The following RIPOR3 variants were observed in gnomAD, a reference collection of about 807,000 sequenced individuals.
RIPOR3 encodes the protein family with sequence similarity 65 member C.
RIPOR3 carries 95 observed loss-of-function variants against 114.3 expected under a neutral mutation model. The ratio of observed to expected loss-of-function variants is 0.83; its 90% CI spans 0.70 to 0.99. The LOEUF is 0.99. Among genes scored for constraint, RIPOR3 ranks in the 50% least tolerant of loss-of-function variants. The pLI is 0.00. For missense variants in RIPOR3, 1,252 were observed against 1,266.9 expected, an observed-to-expected ratio of 0.99 and a Z score of 0.18; for synonymous variants, 575 against 543.8, an observed-to-expected ratio of 1.06 and a Z score of -0.80.
intron 16 of RIPOR3, chr20:50,595,093 G>T: frequency 1.9e-6 from 1 of 517,796 alleles, no homozygotes; most frequent in Non-Finnish European, 3.5e-6. Context: ...CCCGTGCAGT[G>T]CCCTCCTCCT....
chr20:50,597,829 C>T, intron 13 of RIPOR3, 119 bp from the exon 14 acceptor site: 1 of 1,422,310 alleles, frequency 7.0e-7, no homozygotes, highest in Non-Finnish European at 9.4e-7. Context: ...CCCAATCCCA[C>T]ACACCGTCCC....
chr20:50,625,928 G>A (rs986838954), intron 2 of RIPOR3, among the ~76,000 whole-genome samples: 4 of 152,212 alleles, frequency 2.6e-5, no homozygotes, highest in Admixed American at 6.5e-5. Context: ...TGAGCCATCT[G>A]ACTGTGGAGT....
chr20:50,629,114 A>T (rs747299889), intron 2 of RIPOR3, among the ~76,000 whole-genome samples: 1 of 152,078 alleles, frequency 6.6e-6, no homozygotes, highest in Non-Finnish European at 1.5e-5. Flanking sequence ...TGAGGCCCTG[A>T]GGCCGGGAGG....
intron 2 of RIPOR3, among the ~76,000 whole-genome samples, chr20:50,629,956 T>G (rs1012353032): frequency 6.6e-6 from 1 of 152,094 alleles, no homozygotes; most frequent in Admixed American, 6.5e-5. Context: ...TTTTTGGTTT[T>G]TCTTTTTTGG....
chr20:50,651,721 T>G (rs1157777455), intron 1 of RIPOR3, among the ~76,000 whole-genome samples: 1 of 152,206 alleles, frequency 6.6e-6, no homozygotes, highest in East Asian at 1.9e-4. Context: ...GAGCAGGGTA[T>G]GCATCGTAAG....
intron 6 of RIPOR3, 70 bp downstream of exon 6, chr20:50,610,783 C>T (rs1327785590): frequency 6.2e-7 from 1 of 1,605,570 alleles, no homozygotes; most frequent in Non-Finnish European, 8.5e-7. Context: ...CCAGCTCCTG[C>T]TAACCTAGCT....
chr20:50,595,036 C>T (rs951905769), intron 16 of RIPOR3: 20 of 480,904 alleles, frequency 4.2e-5, no homozygotes, highest in Admixed American at 1.7e-4. Flanking sequence ...TACTGTTTGA[C>T]GGCACATTCT....
At chr20:50,604,050 C>T (rs958824234) in intron 12 of RIPOR3, among the ~76,000 whole-genome samples, 4 of 151,996 alleles carry the variant, frequency 2.6e-5, no homozygotes, top group Admixed American at 2.0e-4. Flanking sequence ...GATGTGGTGG[C>T]GTGTGCCTGT....
intron 1 of RIPOR3, among the ~76,000 whole-genome samples, chr20:50,652,590 C>CAAAAAAAAAAAAAAAAAAAAAAA (rs11470456): frequency 1.0e-4 from 9 of 87,320 alleles, no homozygotes; most frequent in Admixed American, 1.4e-4. Context: ...GATTCTGTCT[C>CAAAAAAAAAAAAAAAAAAAAAAA]AAAAAAAAAA....
intron 4 of RIPOR3, among the ~76,000 whole-genome samples, chr20:50,613,657 C>T (rs138644926): frequency 2.8e-4 from 43 of 152,198 alleles, no homozygotes; most frequent in African/African-American, 9.9e-4. Flanking sequence ...CCTCAGTGTG[C>T]CCATCTATGA....
At chr20:50,640,428 T>C (rs1389435384) in intron 1 of RIPOR3, among the ~76,000 whole-genome samples, 2 of 148,260 alleles carry the variant, frequency 1.3e-5, no homozygotes, top group African/African-American at 2.5e-5. Flanking sequence ...GGTGAAGGGC[T>C]GCTTCCCCTT....
Position 50,587,149 on chromosome 20 carries a change from C to T in RIPOR3, c.*83G>A. The T allele has an allele frequency of 3.8e-6, 4 of 1,053,534 alleles. 1 individual carries two copies. Among genetic ancestry groups the T allele is most frequent in the African/African-American group, 3.1e-5 (2 of 64,012 alleles). The allele number at this position is 1,053,534 out of a possible 1,614,324, so 65.3% of individuals were successfully genotyped here. A position where few individuals can be genotyped will look rare whatever the true frequency, so the allele number is the denominator to read the frequency against. Reference sequence around the variant, plus strand: ...ACACTCCTGGAGGAGTGCACAGCACCATTACCCAGAGTGCAGGCTATGTCC... The same window carrying T: ...ACACTCCTGGAGGAGTGCACAGCACTATTACCCAGAGTGCAGGCTATGTCC... On this transcript the variant is annotated 3_prime_UTR_variant, in exon 22 of 22. Transcript: ENST00000327979.
rs1038911619 is a variant in RIPOR3 at position 50,597,809 on chromosome 20, G to A, written c.1660-99C>T. 1.0e-4 allele frequency: 153 copies of A among 1,483,510 alleles called. 2 individuals carry two copies. The highest frequency in any genetic ancestry group is 4.0e-4 in the East Asian group (16 of 40,422). 91.9% of individuals were successfully genotyped at this position (1,483,510 alleles called of 1,614,324 possible). ...TCACGGCAGACTTGGGCAATGTCCC[G>A]GTCCCAAGCCCCAATCCCACACACC... On this transcript the variant is annotated intron_variant, in intron 13 of 21. Transcript: ENST00000327979.
intron 1 of RIPOR3, among the ~76,000 whole-genome samples, chr20:50,646,753 G>A (rs2085413440): frequency 6.6e-6 from 1 of 152,206 alleles, no homozygotes; most frequent in Non-Finnish European, 1.5e-5. Context: ...TGCTGGGATT[G>A]TAATTCTAGA....
rs566030462 is a variant in RIPOR3, at chr20:50,602,961, C to T, written c.1087-317G>A. Among the ~76,000 whole-genome samples, 1 of 152,360 alleles carries T rather than the reference C, an allele frequency of 6.6e-6. No individual in the cohort carries two copies. Among genetic ancestry groups the T allele is most frequent in the African/African-American group, 2.4e-5 (1 of 41,586 alleles). ...TGTGCTCTCGTCAGAACACTCTTCC[C>T]CATGTGCCTTCATGGCTTGTGCCCT... On this transcript the variant is annotated intron_variant, in intron 12 of 21. Coordinates refer to ENST00000327979, the MANE Select transcript of RIPOR3 (RefSeq NM_001290268.2). The surrounding 1 kb of genome is among the most constrained non-coding windows in gnomAD (Gnocchi z 4.3).
In RIPOR3 at chr20:50,608,938, G is replaced by A. The variant is rs758958721; in HGVS notation, c.658C>T (p.Arg220Cys). 25 of 1,586,432 alleles carry A rather than the reference G, an allele frequency of 1.6e-5. No individual in the cohort carries two copies. The highest frequency in any genetic ancestry group is 5.5e-5 in the Admixed American group (3 of 54,194). Residue 220 changes from arginine (R) to cysteine (C), a missense_variant, in exon 9 of 22, where the codon CGC becomes TGC. Coordinates refer to ENST00000327979, the MANE Select transcript of RIPOR3 (RefSeq NM_001290268.2). ...IRMKGLVGYA[R>C]LCPGDHYEVL... ...TCATAGTGGTCTCCGGGACAGAGGC[G>A]TGCGTAGCCCACCAAGCCTGGAACA...
rs908250215 is a variant in RIPOR3 at position 50,602,996 on chromosome 20, A to G, written c.1087-352T>C. On this transcript the variant is annotated intron_variant, in intron 12 of 21. Coordinates refer to ENST00000327979, the MANE Select transcript of RIPOR3 (RefSeq NM_001290268.2). The surrounding 1 kb of genome is among the most constrained non-coding windows in gnomAD (Gnocchi z 4.3). ...TCATGGCTTGTGCCCTCGCCTCCTC[A>G]GGACCTTACATAGGTGTCACCTCTC... Among the ~76,000 whole-genome samples the G allele has an allele frequency of 7.9e-5, 12 of 152,120 alleles. No individual in the cohort carries two copies. The South Asian group carries it at 8.3e-4, about 11-fold the overall frequency.
chr20:50,688,826 G>A (rs12479559), intron 1 of RIPOR3, among the ~76,000 whole-genome samples: 76,196 of 152,000 alleles, frequency 0.5, 21,882 homozygotes, highest in Non-Finnish European at 0.63. Flanking sequence ...ACTAGAGACT[G>A]GTTCACAAAG....
At chr20:50,678,515 A>G (rs1326533002) in intron 1 of RIPOR3, among the ~76,000 whole-genome samples, 1 of 152,276 alleles carries the variant, frequency 6.6e-6, no homozygotes, top group Admixed American at 6.5e-5. Flanking sequence ...CAAGGTTATC[A>G]TGGGGTTCAC....
Sources: allele counts gnomAD v4.1 joint callset (sites outside exome capture counted in the v4.1 genomes callset), GRCh38; gene constraint gnomAD v4.1.1; non-coding constraint Gnocchi (gnomAD v3.1); transcripts MANE v1.5; gene names NCBI Gene and HGNC (gene_info 2026-07-23, HGNC 2026-07-21).